The following MAP3K7CL variants were observed in gnomAD, a reference collection of about 807,000 sequenced individuals.
MAP3K7CL encodes MAP3K7 C-terminal like, also known as MAP3K7 C-terminal-like protein.
A neutral mutation model predicts 18.6 loss-of-function variants in MAP3K7CL; 16 were observed. The observed-to-expected ratio is 0.86, with a 90% CI of 0.58 to 1.31. The LOEUF is 1.31. Among genes scored for constraint, MAP3K7CL ranks in the 50% most tolerant of loss-of-function variants. MAP3K7CL has a pLI of 0.00. For missense variants in MAP3K7CL, 163 were observed against 174.4 expected (o/e 0.93, Z 0.37); for synonymous variants, 65 against 66.8 (o/e 0.97, Z 0.13).
chr21:29,165,821 T>A (rs1487168808), intron 4 of MAP3K7CL, among the ~76,000 whole-genome samples: 1 of 152,156 alleles, frequency 6.6e-6, no homozygotes, highest in South Asian at 2.1e-4. Flanking sequence ...ATCGGGCTGC[T>A]AAAGTGCTGG....
At chr21:29,078,189 A>C (rs1257546088) in intron 1 of MAP3K7CL, among the ~76,000 whole-genome samples, 1 of 151,678 alleles carries the variant, frequency 6.6e-6, no homozygotes, top group African/African-American at 2.4e-5. Flanking sequence ...ATTTCATGTT[A>C]CTATATCATC....
At chr21:29,143,621 C>G (rs957970671) in intron 2 of MAP3K7CL, among the ~76,000 whole-genome samples, 3 of 152,086 alleles carry the variant, frequency 2.0e-5, no homozygotes, top group South Asian at 4.1e-4. Context: ...CTGGGTTTCT[C>G]CATATTGGTC....
At chr21:29,099,900 G>A (rs1464089838) in intron 4 of MAP3K7CL, among the ~76,000 whole-genome samples, 8 of 151,952 alleles carry the variant, frequency 5.3e-5, no homozygotes, top group African/African-American at 1.9e-4. Flanking sequence ...TGGCTAACAC[G>A]GTGAAACCCC....
intron 3 of MAP3K7CL, among the ~76,000 whole-genome samples, chr21:29,155,777 C>T (rs1411145572): frequency 1.3e-5 from 2 of 152,076 alleles, no homozygotes; most frequent in African/African-American, 2.4e-5. Flanking sequence ...GAAAAGTGGG[C>T]GAGGAGGAAG....
chr21:29,109,293 G>C (rs1039245132), intron 4 of MAP3K7CL: 3 of 1,482,036 alleles, frequency 2.0e-6, no homozygotes, highest in Middle Eastern at 1.7e-4. Context: ...CTTATTTTGT[G>C]CCCATTTAAT....
intron 4 of MAP3K7CL, among the ~76,000 whole-genome samples, chr21:29,104,858 T>G (rs11702618): frequency 0.18 from 27,019 of 152,160 alleles, 2,764 homozygotes; most frequent in South Asian, 0.23. Context: ...CTGCAGTCTT[T>G]TCATGCCTTG....
intron 1 of MAP3K7CL, chr21:29,091,372 T>C (rs886202665): frequency 1.8e-6 from 1 of 543,068 alleles, no homozygotes; most frequent in Admixed American, 3.7e-5. Context: ...TTTTAGCCAG[T>C]TGATTTTTAA....
intron 4 of MAP3K7CL, among the ~76,000 whole-genome samples, chr21:29,167,593 G>T (rs1291830838): frequency 1.3e-5 from 2 of 151,948 alleles, no homozygotes; most frequent in African/African-American, 2.4e-5. Flanking sequence ...ATTCCCAAAG[G>T]GAGAGGCTTT....
chr21:29,080,398 C>T (rs1486359019), intron 1 of MAP3K7CL, among the ~76,000 whole-genome samples: 1 of 152,228 alleles, frequency 6.6e-6, no homozygotes. Context: ...CCATAAGCCC[C>T]TAAGGCTGCC....
intron 4 of MAP3K7CL, among the ~76,000 whole-genome samples, chr21:29,095,152 AAAAAG>A (rs2086099953): frequency 6.6e-6 from 1 of 151,732 alleles, no homozygotes; most frequent in South Asian, 2.1e-4. Flanking sequence ...AAAAAAAAAA[AAAAAG>A]AGATTCTGTT....
intron 4 of MAP3K7CL, among the ~76,000 whole-genome samples, chr21:29,093,023 C>T (rs558616054): frequency 6.6e-6 from 1 of 152,178 alleles, no homozygotes; most frequent in Non-Finnish European, 1.5e-5. Context: ...CCTGCTTCAG[C>T]CTCCTGAGTA....
In MAP3K7CL at chr21:29,147,340, T is replaced by C. The variant is rs539398225; in HGVS notation, c.71-1849T>C. On this transcript the variant is annotated intron_variant, in intron 2 of 4. Coordinates refer to ENST00000399928, the MANE Select transcript of MAP3K7CL (RefSeq NM_001286620.2). ...TATACATATATGCACTGTATATGTATCTGCACTGTGTATGTGTACTGTATG... is the reference window on the plus strand; with the variant it reads ...TATACATATATGCACTGTATATGTACCTGCACTGTGTATGTGTACTGTATG... Among the ~76,000 whole-genome samples the C allele has an allele frequency of 3.9e-5, 6 of 152,132 alleles. No homozygotes were observed. The East Asian group carries it at 1.2e-3, about 29-fold the overall frequency.
intron 4 of MAP3K7CL, among the ~76,000 whole-genome samples, chr21:29,164,766 C>T (rs1309828238): frequency 3.3e-5 from 5 of 151,812 alleles, no homozygotes; most frequent in African/African-American, 1.2e-4. Context: ...TTTTCTTCTC[C>T]GTGTGAAAAA....
chr21:29,155,115 G>T (rs2087368727), intron 3 of MAP3K7CL, among the ~76,000 whole-genome samples: 1 of 152,182 alleles, frequency 6.6e-6, no homozygotes, highest in Admixed American at 6.5e-5. Context: ...AATATTTAAA[G>T]TTCTAAGATA....
chr21:29,111,382 G>A (rs1194546336), intron 4 of MAP3K7CL, among the ~76,000 whole-genome samples: 1 of 152,190 alleles, frequency 6.6e-6, no homozygotes, highest in African/African-American at 2.4e-5. Context: ...TGTTCTGGGT[G>A]TGTCAGGTGG....
upstream of MAP3K7CL, among the ~76,000 whole-genome samples, chr21:29,125,811 G>A (rs192607469): frequency 1.1e-3 from 174 of 152,288 alleles, 1 homozygote; most frequent in African/African-American, 2.1e-3. Context: ...GGTCAGGAGC[G>A]GAGGAAGAGG....
At chr21:29,174,624 T>C in intron 4 of MAP3K7CL, 88 bp from the exon 5 acceptor site, 1 of 1,468,904 alleles carries the variant, frequency 6.8e-7, no homozygotes, top group Non-Finnish European at 9.3e-7. Context: ...GAATGAATCA[T>C]TCTACTTCCA....
chr21:29,109,023 A>G, intron 4 of MAP3K7CL: 3 of 1,511,998 alleles, frequency 2.0e-6, no homozygotes, highest in Non-Finnish European at 2.6e-6. Context: ...GAATCAGAAA[A>G]TTCTACTTCC....
intron 4 of MAP3K7CL, among the ~76,000 whole-genome samples, chr21:29,123,439 G>T (rs141456792): frequency 6.6e-6 from 1 of 152,120 alleles, no homozygotes; most frequent in East Asian, 1.9e-4. Context: ...GAATCTGACC[G>T]AGTTTCTAGA....
Sources: gnomAD v4.1 joint callset for allele counts (sites outside exome capture counted in the v4.1 genomes callset) on GRCh38, gnomAD v4.1.1 for gene constraint, MANE v1.5 for transcripts, NCBI Gene and HGNC (gene_info 2026-07-23, HGNC 2026-07-21) for gene names.